The following FAM135B variants were observed in gnomAD, a reference collection of about 807,000 sequenced individuals.
The protein encoded by FAM135B is family with sequence similarity 135 member B.
A neutral mutation model predicts 127.7 loss-of-function variants in FAM135B; 43 were observed. That is an observed-to-expected ratio of 0.34 (90% CI 0.26 to 0.43). The LOEUF is 0.43. FAM135B is among the 20% of genes least tolerant of loss of function. FAM135B has a pLI of 1.00. For missense variants in FAM135B, 1,558 were observed against 1,725.6 expected (o/e 0.90, Z 1.72); for synonymous variants, 670 against 665.1 (o/e 1.01, Z -0.11).
chr8:138,202,457 C>A (rs1202874317), intron 7 of FAM135B, among the ~76,000 whole-genome samples: 1 of 152,074 alleles, frequency 6.6e-6, no homozygotes, highest in Non-Finnish European at 1.5e-5. Flanking sequence ...CACGATGTTG[C>A]CCAGGCTGGT....
At chr8:138,411,240 T>C (rs1270774972) in intron 1 of FAM135B, among the ~76,000 whole-genome samples, 3 of 151,824 alleles carry the variant, frequency 2.0e-5, no homozygotes, top group African/African-American at 4.8e-5. Context: ...CTTCAAACTA[T>C]ACTACAAGGC....
intron 2 of FAM135B, among the ~76,000 whole-genome samples, chr8:138,344,579 T>TTC (rs1829280272): frequency 2.6e-5 from 1 of 38,428 alleles, no homozygotes; most frequent in South Asian, 6.7e-4. Context: ...CTTTCTTTCT[T>TTC]TTTTTTTTTT....
intron 2 of FAM135B, among the ~76,000 whole-genome samples, chr8:138,362,795 T>C (rs1830511090): frequency 6.6e-6 from 1 of 152,234 alleles, no homozygotes; most frequent in Non-Finnish European, 1.5e-5. Context: ...ATTTTCTATG[T>C]ATATGTCAGC....
At chr8:138,205,811 GA>G (rs908890175) in intron 7 of FAM135B, among the ~76,000 whole-genome samples, 1 of 152,078 alleles carries the variant, frequency 6.6e-6, no homozygotes, top group East Asian at 1.9e-4. Flanking sequence ...CTGAGAATGA[GA>G]AAAAAGGAGC....
intron 3 of FAM135B, among the ~76,000 whole-genome samples, chr8:138,287,001 G>A (rs1824739929): frequency 6.6e-6 from 1 of 152,234 alleles, no homozygotes; most frequent in Admixed American, 6.5e-5. Context: ...ATATTTACAT[G>A]AGTAGGAAAG....
At chr8:138,338,059 T>C (rs1008917981) in intron 2 of FAM135B, among the ~76,000 whole-genome samples, 1 of 152,190 alleles carries the variant, frequency 6.6e-6, no homozygotes, top group Non-Finnish European at 1.5e-5. Context: ...TAGCCACATG[T>C]AGAAAGCTGA....
At chr8:138,223,789 G>A (rs2130082467) in intron 7 of FAM135B, among the ~76,000 whole-genome samples, 1 of 152,294 alleles carries the variant, frequency 6.6e-6, no homozygotes, top group South Asian at 2.1e-4. Context: ...ATCAACCTAA[G>A]TGCCATCAAT....
rs555761890 is a variant in FAM135B, at chr8:138,242,327, A to G, written c.669+615T>C. Among the ~76,000 whole-genome samples, 11 of 152,062 alleles carry G rather than the reference A, an allele frequency of 7.2e-5. No homozygotes were observed. In the South Asian group the frequency reaches 2.3e-3, roughly 32 times the overall value. On this transcript the variant is annotated intron_variant, in intron 7 of 19. Coordinates refer to ENST00000395297, the MANE Select transcript of FAM135B (RefSeq NM_015912.4). This position sits in a 1 kb window ranked among gnomAD's most constrained non-coding sequence, Gnocchi z 9.6. Reference sequence around the variant, plus strand: ...CATAGCATATACTGGCTTGGGAGAAATATGAGCAGAATCATACCCTGTGTG... The same window carrying G: ...CATAGCATATACTGGCTTGGGAGAAGTATGAGCAGAATCATACCCTGTGTG...
chr8:138,447,372 A>T (rs1441180772), intron 1 of FAM135B, among the ~76,000 whole-genome samples: 1 of 152,126 alleles, frequency 6.6e-6, no homozygotes, highest in Non-Finnish European at 1.5e-5. Flanking sequence ...TTATTGCGGC[A>T]CTATTCACAA....
intron 7 of FAM135B, among the ~76,000 whole-genome samples, chr8:138,222,132 G>A (rs1348011530): frequency 3.9e-5 from 6 of 152,058 alleles, no homozygotes; most frequent in African/African-American, 1.4e-4. Flanking sequence ...ACGGGAAGCC[G>A]AGAAAGATGG....
intron 3 of FAM135B, among the ~76,000 whole-genome samples, chr8:138,300,621 A>C (rs1037641033): frequency 6.6e-6 from 1 of 152,144 alleles, no homozygotes; most frequent in African/African-American, 2.4e-5. Context: ...ATTATCCATC[A>C]TTAGTATCAA....
At chr8:138,319,498 G>A (rs182320088) in intron 2 of FAM135B, among the ~76,000 whole-genome samples, 1 of 152,278 alleles carries the variant, frequency 6.6e-6, no homozygotes, top group African/African-American at 2.4e-5. Context: ...TTAAATTGTT[G>A]GAGAATTATC....
chr8:138,284,884 T>C (rs1035963260), intron 3 of FAM135B, among the ~76,000 whole-genome samples: 2 of 151,896 alleles, frequency 1.3e-5, no homozygotes, highest in Admixed American at 6.6e-5. Flanking sequence ...GGAGGTTTGT[T>C]TGGCTCAAAC....
intron 9 of FAM135B, among the ~76,000 whole-genome samples, chr8:138,179,224 G>C (rs142125792): frequency 1.7e-3 from 266 of 152,190 alleles, no homozygotes; most frequent in African/African-American, 6.0e-3. Flanking sequence ...GCCCCAGCTG[G>C]AAACCTTTTA....
At chr8:138,240,917 C>T (rs1265301006) in intron 7 of FAM135B, among the ~76,000 whole-genome samples, 2 of 152,124 alleles carry the variant, frequency 1.3e-5, no homozygotes, top group Non-Finnish European at 2.9e-5. Flanking sequence ...CCCTAACGCC[C>T]CAGGCCACAT....
chr8:138,177,602 C>T (rs953040708), intron 10 of FAM135B, among the ~76,000 whole-genome samples, 182 bp from the exon 11 acceptor site: 1 of 152,196 alleles, frequency 6.6e-6, no homozygotes, highest in Non-Finnish European at 1.5e-5. Context: ...CTCTCTCCTT[C>T]AGAGCTCTTA....
At chr8:138,414,330 A>C (rs2131420117) in intron 1 of FAM135B, among the ~76,000 whole-genome samples, 1 of 152,152 alleles carries the variant, frequency 6.6e-6, no homozygotes, top group East Asian at 1.9e-4. Flanking sequence ...ACCTTGTACA[A>C]AGGATGATAG....
intron 1 of FAM135B, among the ~76,000 whole-genome samples, chr8:138,378,412 T>G (rs888229462): frequency 6.6e-6 from 1 of 152,210 alleles, no homozygotes; most frequent in Non-Finnish European, 1.5e-5. Flanking sequence ...TTTCCCCAAC[T>G]GCAAGTTGCT....
chr8:138,343,286 C>T (rs575428885), intron 2 of FAM135B, among the ~76,000 whole-genome samples: 64 of 152,306 alleles, frequency 4.2e-4, no homozygotes, highest in Admixed American at 2.7e-3. Flanking sequence ...GCTCTAGAGA[C>T]GTGCAGGCAG....
Sources: allele counts gnomAD v4.1 joint callset (sites outside exome capture counted in the v4.1 genomes callset), GRCh38; gene constraint gnomAD v4.1.1; non-coding constraint Gnocchi (gnomAD v3.1); transcripts MANE v1.5; gene names NCBI Gene and HGNC (gene_info 2026-07-23, HGNC 2026-07-21).